CSMD3: variants seen among roughly 807,000 people sequenced by gnomAD.
CSMD3 encodes the protein CUB and Sushi multiple domains 3.
In CSMD3, 177 loss-of-function variants were observed where a neutral mutation model predicts 435.2. The observed-to-expected ratio is 0.41, with a 90% confidence interval of 0.36 to 0.46. The LOEUF is 0.46. Ranked by LOEUF, CSMD3 falls within the 20% of genes least tolerant of loss-of-function variation. The pLI is 0.34. For synonymous variants in CSMD3, 1,656 were observed against 1,520.5 expected, an observed-to-expected ratio of 1.09 and a Z score of -2.07; for missense variants, 4,265 against 4,504.6, an observed-to-expected ratio of 0.95 and a Z score of 1.52.
intron 10 of CSMD3, among the ~76,000 whole-genome samples, chr8:112,874,544 T>C (rs912629831): frequency 1.3e-5 from 2 of 152,140 alleles, no homozygotes; most frequent in Non-Finnish European, 2.9e-5. Flanking sequence ...TCTAAGTTTT[T>C]GTAGGGTCTC....
chr8:112,235,866 C>T (rs559410486), intron 67 of CSMD3, among the ~76,000 whole-genome samples: 3 of 152,030 alleles, frequency 2.0e-5, no homozygotes, highest in South Asian at 4.2e-4. Context: ...AATTCTTTGT[C>T]TTTCCATATA....
intron 3 of CSMD3, among the ~76,000 whole-genome samples, chr8:113,190,019 T>C (rs955726935): frequency 6.6e-6 from 1 of 151,758 alleles, no homozygotes; most frequent in African/African-American, 2.4e-5. Flanking sequence ...TCTTCATGTG[T>C]TATAAATTTA....
At position 112,669,326 on chromosome 8, in the gene CSMD3, C is replaced by T. The variant is rs1345386710; in HGVS notation, c.2678-2911G>A. 4.6e-5 allele frequency among the ~76,000 whole-genome samples: 7 copies of T among 151,990 alleles called. 1 individual carries two copies. In the East Asian group the frequency reaches 5.8e-4, roughly 13 times the overall value. ...GATTACAGGCATGAGCCACTGTGCACGGCCTAAAAATATTATTAATTGCAA... is the reference window on the plus strand; with the variant it reads ...GATTACAGGCATGAGCCACTGTGCATGGCCTAAAAATATTATTAATTGCAA... On this transcript the variant is annotated intron_variant, in intron 16 of 70. Coordinates refer to ENST00000297405, the MANE Select transcript of CSMD3 (RefSeq NM_198123.2).
At chr8:112,541,845 G>T (rs2131141669) in intron 27 of CSMD3, among the ~76,000 whole-genome samples, 1 of 151,860 alleles carries the variant, frequency 6.6e-6, no homozygotes, top group South Asian at 2.1e-4. Flanking sequence ...AAAAACTAGA[G>T]ATCAATATTT....
intron 1 of CSMD3, among the ~76,000 whole-genome samples, chr8:113,348,503 G>C (rs1483443892): frequency 6.6e-6 from 1 of 152,086 alleles, no homozygotes; most frequent in Non-Finnish European, 1.5e-5. Context: ...AGGAAACCCA[G>C]CTTTGAGAAG....
intron 10 of CSMD3, among the ~76,000 whole-genome samples, chr8:112,920,502 T>C (rs2082702029): frequency 1.3e-5 from 2 of 152,072 alleles, no homozygotes; most frequent in East Asian, 3.9e-4. Flanking sequence ...ATATTTAAAT[T>C]TGAGGTGTAG....
intron 56 of CSMD3, among the ~76,000 whole-genome samples, chr8:112,290,397 T>C (rs186199702): frequency 9.2e-5 from 14 of 152,100 alleles, no homozygotes; most frequent in Non-Finnish European, 1.9e-4. Flanking sequence ...AACTTCAGGT[T>C]TACAAGTCCT....
chr8:112,297,314 T>C (rs1820411060), intron 53 of CSMD3, among the ~76,000 whole-genome samples: 1 of 151,092 alleles, frequency 6.6e-6, no homozygotes, highest in Admixed American at 6.6e-5. Context: ...CCAAAGTACT[T>C]CATAAACAGA....
chr8:112,698,107 G>A (rs1464548221), intron 13 of CSMD3, among the ~76,000 whole-genome samples: 1 of 151,854 alleles, frequency 6.6e-6, no homozygotes, highest in African/African-American at 2.4e-5. Flanking sequence ...TAGAAGTGAG[G>A]CTAAAAAGGC....
chr8:112,320,296 T>C (rs1042764347), intron 45 of CSMD3, among the ~76,000 whole-genome samples: 9 of 152,084 alleles, frequency 5.9e-5, no homozygotes, highest in African/African-American at 1.9e-4. Flanking sequence ...CATGTTTGCT[T>C]ACTTGCTCTG....
intron 5 of CSMD3, among the ~76,000 whole-genome samples, chr8:113,050,792 T>A (rs1587969433): frequency 6.6e-6 from 1 of 152,060 alleles, no homozygotes; most frequent in South Asian, 2.1e-4. Context: ...ACTTTAAATA[T>A]AAATATTAAG....
At chr8:113,039,838 T>C (rs1489197389) in intron 5 of CSMD3, among the ~76,000 whole-genome samples, 1 of 152,200 alleles carries the variant, frequency 6.6e-6, no homozygotes, top group Non-Finnish European at 1.5e-5. Flanking sequence ...AATATTATAG[T>C]ACCTTCCTTT....
chr8:112,601,322 A>T (rs966324020), intron 22 of CSMD3, among the ~76,000 whole-genome samples: 5 of 152,056 alleles, frequency 3.3e-5, no homozygotes, highest in African/African-American at 4.8e-5. Flanking sequence ...GGATAAATTT[A>T]AAAATGTGAG....
At chr8:112,445,523 C>A (rs921421520) in intron 32 of CSMD3, among the ~76,000 whole-genome samples, 1 of 152,032 alleles carries the variant, frequency 6.6e-6, no homozygotes, top group South Asian at 2.1e-4. Context: ...GTGCCACATT[C>A]TTTTAGACAA....
At chr8:112,719,723 A>G (rs990744582) in intron 13 of CSMD3, among the ~76,000 whole-genome samples, 1 of 152,164 alleles carries the variant, frequency 6.6e-6, no homozygotes, top group East Asian at 1.9e-4. Flanking sequence ...GAAGACTGAA[A>G]GAGTAAAAGG....
intron 45 of CSMD3, among the ~76,000 whole-genome samples, chr8:112,334,188 G>A (rs758412879): frequency 5.9e-5 from 9 of 152,224 alleles, no homozygotes; most frequent in African/African-American, 1.2e-4. Flanking sequence ...GTTGGATTGC[G>A]TATCAGTTCT....
At position 112,573,567 on chromosome 8, in the gene CSMD3, G is replaced by T. The variant is rs1307365584; in HGVS notation, c.3976C>A (p.Gln1326Lys). The stretch of plus-strand genomic sequence containing the variant: ...TCGGAATTAAATTCTAGCCAGAGTT[G>T]ATTTGAAGTACTACTAAGTGTCAGT... Reference protein sequence around the residue: ...RGLTLSSTSNQLWLEFNSDTE... With the variant: ...RGLTLSSTSNKLWLEFNSDTE... Residue 1326 changes from glutamine (Q) to lysine (K), a missense_variant, in exon 24 of 71, where the codon CAA (glutamine) becomes AAA (lysine). This residue lies in a region of CSMD3 where 3,255 missense variants were observed against 3,380.2 expected (regional missense o/e 0.96). Coordinates refer to ENST00000297405, the MANE Select transcript of CSMD3 (RefSeq NM_198123.2). 2 of 1,613,244 alleles carry T rather than the reference G, an allele frequency of 1.2e-6. No homozygotes were observed. Among genetic ancestry groups the T allele is most frequent in the Non-Finnish European group, 1.7e-6 (2 of 1,179,398 alleles).
At chr8:112,704,032 C>T (rs6469436) in intron 13 of CSMD3, among the ~76,000 whole-genome samples, 50,680 of 151,938 alleles carry the variant, frequency 0.33, 9,336 homozygotes, top group African/African-American at 0.5. Flanking sequence ...CCCTGGGACA[C>T]GGGTTTCCAT....
At chr8:112,710,829 G>A (rs1464904406) in intron 13 of CSMD3, among the ~76,000 whole-genome samples, 1 of 150,748 alleles carries the variant, frequency 6.6e-6, no homozygotes, top group African/African-American at 2.4e-5. Context: ...TTTGTTGAGA[G>A]ATTTTGACAA....
Sources: allele counts gnomAD v4.1 joint callset (sites outside exome capture counted in the v4.1 genomes callset), GRCh38; gene constraint gnomAD v4.1.1; regional missense constraint gnomAD v4.1.1; transcripts MANE v1.5; gene names NCBI Gene and HGNC (gene_info 2026-07-23, HGNC 2026-07-21).